Variants in TLN2 observed in about 807,000 individuals in gnomAD.
The protein encoded by TLN2 is talin-2.
A neutral mutation model predicts 294.7 loss-of-function variants in TLN2; 118 were observed. The ratio of observed to expected loss-of-function variants is 0.40; its 90% CI spans 0.34 to 0.47. The LOEUF (loss-of-function observed/expected upper bound fraction) is 0.47, where lower values mean the gene tolerates loss of function less well. Ranked by LOEUF, TLN2 falls within the 20% of genes least tolerant of loss-of-function variation. TLN2 has a pLI of 0.84. For missense variants in TLN2, 3,083 were observed against 3,282.2 expected (o/e 0.94, Z 1.48); for synonymous variants, 1,431 against 1,304.5 (o/e 1.10, Z -2.09).
At position 62,702,107 on chromosome 15, in the gene TLN2, G is replaced by A. The variant is rs1233130790; in HGVS notation, c.1812G>A (p.Glu604=). 8 of 1,614,196 alleles carry A rather than the reference G, an allele frequency of 5.0e-6. No homozygotes were observed. Among genetic ancestry groups the A allele is most frequent in the Non-Finnish European group, 5.9e-6 (7 of 1,180,040 alleles). ...VKLLAALMDD[E]VGSGEDLLRA... is the part of the protein sequence containing the mutation. ...TATTGGCCGCCCTCATGGATGATGA[G>A]GTGGGCAGCGGGGAGGACTTGCTCA... Residue 604 remains glutamate (E), a synonymous_variant, in exon 18 of 59, where the codon GAG becomes GAA. Transcript: ENST00000636159.
intron 1 of TLN2, among the ~76,000 whole-genome samples, chr15:62,576,595 ATTTTTTT>A (rs3055751): frequency 1.9e-5 from 2 of 103,040 alleles, no homozygotes; most frequent in Admixed American, 2.4e-4. Context: ...ATTGCTCTGT[ATTTTTTT>A]TTTTTTTTTT....
At chr15:62,614,365 C>T (rs554727873) in intron 2 of TLN2, among the ~76,000 whole-genome samples, 1 of 152,300 alleles carries the variant, frequency 6.6e-6, no homozygotes, top group South Asian at 2.1e-4. Flanking sequence ...TCCTCTGTGG[C>T]AGGTAAGGGA....
At chr15:62,395,806 T>C (rs2032496215) in intron 1 of TLN2, among the ~76,000 whole-genome samples, 1 of 152,214 alleles carries the variant, frequency 6.6e-6, no homozygotes, top group Non-Finnish European at 1.5e-5. Context: ...GAGTATCATA[T>C]GTATGTTGCA....
chr15:62,575,463 G>C (rs116404147), intron 1 of TLN2, among the ~76,000 whole-genome samples: 1,671 of 152,160 alleles, frequency 0.011, 29 homozygotes, highest in African/African-American at 0.039. Context: ...TTGCTATATA[G>C]AATTTTCTAA....
At chr15:62,767,942 CAT>C (rs2063116862) in intron 41 of TLN2, among the ~76,000 whole-genome samples, 1 of 151,436 alleles carries the variant, frequency 6.6e-6, no homozygotes, top group Non-Finnish European at 1.5e-5. Context: ...TCAAAAGAAA[CAT>C]AATATATTTA....
At chr15:62,611,214 A>G (rs2047887748) in intron 2 of TLN2, among the ~76,000 whole-genome samples, 1 of 151,866 alleles carries the variant, frequency 6.6e-6, no homozygotes, top group South Asian at 2.1e-4. Context: ...AAGTGTCATC[A>G]AAATTAAGAA....
intron 1 of TLN2, among the ~76,000 whole-genome samples, chr15:62,464,273 G>A (rs2140347180): frequency 6.6e-6 from 1 of 152,306 alleles, no homozygotes; most frequent in Middle Eastern, 3.4e-3. Flanking sequence ...GTCCTTTGCA[G>A]GGACATGGAT....
intron 54 of TLN2, among the ~76,000 whole-genome samples, chr15:62,823,288 C>T (rs181223986): frequency 1.2e-4 from 19 of 152,304 alleles, no homozygotes; most frequent in African/African-American, 4.1e-4. Context: ...TAATAGGGCA[C>T]ATTGCAATAA....
intron 26 of TLN2, among the ~76,000 whole-genome samples, chr15:62,724,638 T>C (rs573375176): frequency 1.7e-4 from 26 of 152,302 alleles, no homozygotes; most frequent in South Asian, 1.7e-3. Flanking sequence ...TGTACACACA[T>C]GGCTGTGCTA....
chr15:62,807,336 G>A (rs4774453), intron 51 of TLN2, among the ~76,000 whole-genome samples: 11,686 of 152,224 alleles, frequency 0.077, 572 homozygotes, highest in East Asian at 0.18. Flanking sequence ...TGAGAAAGGC[G>A]AGAGTAATTA....
rs772963473 is a variant in TLN2 at position 62,675,277 on chromosome 15, G to A, written c.913G>A (p.Ala305Thr). The change falls in exon 11 of 59, where the codon GCA becomes ACA. Residue 305 changes from alanine to threonine, a missense_variant. By Grantham distance (58) the Ala-to-Thr change is moderately conservative. Transcript: ENST00000636159. ...IEAKVKYVKLARSLRTYGVSF... is the reference protein window; with the variant it reads ...IEAKVKYVKLTRSLRTYGVSF... ...AGCCAAGGTCAAGTACGTCAAACTC[G>A]CACGGTCCCTCCGCACATATGGCGT... 8 of 1,614,206 alleles carry A rather than the reference G, an allele frequency of 5.0e-6. No homozygotes were observed. In the South Asian group the frequency reaches 6.6e-5, roughly 13 times the overall value.
At chr15:62,559,673 TG>T (rs1454021372) in intron 1 of TLN2, among the ~76,000 whole-genome samples, 1 of 152,160 alleles carries the variant, frequency 6.6e-6, no homozygotes, top group Non-Finnish European at 1.5e-5. Context: ...TTGGTGGCAA[TG>T]GAAACCCATT....
chr15:62,557,026 A>G (rs1285804433), intron 1 of TLN2, among the ~76,000 whole-genome samples: 1 of 152,180 alleles, frequency 6.6e-6, no homozygotes, highest in Non-Finnish European at 1.5e-5. Context: ...AGATTCTCAT[A>G]TTTGTCTCTC....
At chr15:62,649,796 A>G (rs773218660) in intron 4 of TLN2, among the ~76,000 whole-genome samples, 14 of 152,218 alleles carry the variant, frequency 9.2e-5, no homozygotes, top group Non-Finnish European at 2.1e-4. Flanking sequence ...ATTCAGTTAG[A>G]AAGAAATTTG....
rs1202515720 is a variant in TLN2, at chr15:62,460,463, A to G, written c.-238+69778A>G. ...TTTTTAGTAGAGACGGGGTTTCTCC[A>G]TGTTGGTCAGGCTGGTCTCAAACTC... On this transcript the variant is annotated intron_variant, in intron 1 of 58. Transcript: ENST00000636159. Among the ~76,000 whole-genome samples, 5 of 152,160 alleles carry G rather than the reference A, an allele frequency of 3.3e-5. No homozygotes were observed. In the East Asian group the frequency reaches 9.7e-4, roughly 30 times the overall value.
intron 1 of TLN2, among the ~76,000 whole-genome samples, chr15:62,489,624 C>G (rs1252658138): frequency 6.6e-6 from 1 of 152,158 alleles, no homozygotes; most frequent in Non-Finnish European, 1.5e-5. Context: ...AGGGACAGAG[C>G]CTGATTCCCT....
In TLN2 at chr15:62,840,614, TGCGAGCCCAGATG is replaced by T. The variant is rs766887967; in HGVS notation, c.*13_*25del. On this transcript the variant is annotated 3_prime_UTR_variant, in exon 59 of 59. Transcript: ENST00000636159. The stretch of plus-strand genomic sequence containing the variant: ...GCTGAGGGAAGATGAGGGCTAAAGG[TGCGAGCCCAGATG>T]GCGAGCCCCAGGGGATGGCCCTGGC... 1.4e-5 allele frequency: 23 copies of T among 1,612,734 alleles called. No homozygotes were observed. Among genetic ancestry groups the T allele is most frequent in the Non-Finnish European group, 1.7e-5 (20 of 1,179,398 alleles).
intron 13 of TLN2, 95 bp from the exon 14 acceptor site, chr15:62,694,221 C>G: frequency 9.3e-7 from 1 of 1,078,360 alleles, no homozygotes; most frequent in Non-Finnish European, 1.4e-6. Context: ...AAGTGATCCG[C>G]CCGTCTCAGC....
chr15:62,471,100 T>G (rs923961730), intron 1 of TLN2, among the ~76,000 whole-genome samples: 4 of 152,118 alleles, frequency 2.6e-5, no homozygotes, highest in African/African-American at 9.7e-5. Flanking sequence ...ATCCCAGCAC[T>G]TTGGGAGGCT....
Sources: gnomAD v4.1 joint callset for allele counts (sites outside exome capture counted in the v4.1 genomes callset) on GRCh38, gnomAD v4.1.1 for gene constraint, MANE v1.5 for transcripts, NCBI Gene and HGNC (gene_info 2026-07-23, HGNC 2026-07-21) for gene names.